The following CALN1 variants were observed in gnomAD, a reference collection of about 807,000 sequenced individuals.
CALN1 encodes calcium-binding protein 8.
Under a neutral mutation model 30.6 loss-of-function variants are expected in CALN1, and 17 were observed. The observed-to-expected ratio is 0.56, with a 90% confidence interval of 0.38 to 0.83. CALN1 has a LOEUF of 0.83. CALN1 is among the 40% of genes least tolerant of loss of function. The probability of loss-of-function intolerance (pLI) is 0.00; values close to 1 mark genes in which losing one functional copy is unlikely to be tolerated. For missense variants in CALN1, 291 were observed against 354.9 expected (o/e 0.82, Z 1.45); for synonymous variants, 156 against 131.4 (o/e 1.19, Z -1.28).
chr7:72,291,977 G>C (rs1248275451), intron 2 of CALN1, among the ~76,000 whole-genome samples: 2 of 151,356 alleles, frequency 1.3e-5, no homozygotes, highest in Non-Finnish European at 2.9e-5. Flanking sequence ...ACTTCAGCCT[G>C]GGTGACAGAA....
intron 2 of CALN1, among the ~76,000 whole-genome samples, chr7:72,380,694 C>G (rs886777312): frequency 2.1e-5 from 3 of 145,592 alleles, no homozygotes; most frequent in Non-Finnish European, 4.6e-5. Flanking sequence ...TGGATGGATA[C>G]ATACATTAGA....
the CALN1 span, among the ~76,000 whole-genome samples, chr7:72,472,651 G>T: frequency 2.6e-5 from 4 of 152,208 alleles, no homozygotes; most frequent in African/African-American, 9.6e-5. Flanking sequence ...GCGTGGTGGC[G>T]GGCGCCTGTA....
At chr7:72,426,892 C>CT (rs1807815217) in intron 1 of CALN1, among the ~76,000 whole-genome samples, 1 of 152,210 alleles carries the variant, frequency 6.6e-6, no homozygotes, top group Non-Finnish European at 1.5e-5. Context: ...GTGGGCCTGT[C>CT]TGAGTGGTGG....
chr7:71,899,534 A>T (rs1446411458), intron 5 of CALN1, among the ~76,000 whole-genome samples: 1 of 152,228 alleles, frequency 6.6e-6, no homozygotes, highest in African/African-American at 2.4e-5. Context: ...AAATTTATAA[A>T]GGAAAAATAA....
At chr7:72,180,597 GCTTT>G (rs1789699058) in intron 3 of CALN1, among the ~76,000 whole-genome samples, 1 of 116,856 alleles carries the variant, frequency 8.6e-6, no homozygotes, top group African/African-American at 3.1e-5. Context: ...TACTGTTTAT[GCTTT>G]TTTTTCTTTT....
At chr7:72,487,901 AGAAAGAAAGAAAGAAAGAAG>A in the CALN1 span, among the ~76,000 whole-genome samples, 11 of 85,252 alleles carry the variant, frequency 1.3e-4, 1 homozygote, top group African/African-American at 4.9e-4. Context: ...AAAGAAAGAA[AGAAAGAAAGAAAGAAAGAAG>A]GAAGGAAGGA....
At chr7:72,053,160 G>A (rs538418483) in intron 4 of CALN1, among the ~76,000 whole-genome samples, 258 of 152,336 alleles carry the variant, frequency 1.7e-3, no homozygotes, top group African/African-American at 5.6e-3. Flanking sequence ...AGCCCAGGAG[G>A]TGGAGTTTGC....
chr7:72,260,410 G>C (rs2129552733), intron 3 of CALN1, among the ~76,000 whole-genome samples: 1 of 152,268 alleles, frequency 6.6e-6, no homozygotes, highest in African/African-American at 2.4e-5. Context: ...ACACAATATT[G>C]TTAAGCTCCA....
At chr7:71,870,849 T>C (rs1046517957) in intron 5 of CALN1, among the ~76,000 whole-genome samples, 2 of 152,178 alleles carry the variant, frequency 1.3e-5, no homozygotes, top group Admixed American at 1.3e-4. Context: ...TGGCCTTGCA[T>C]GGTTGGTGGA....
At chr7:71,836,754 C>T (rs940912313) in intron 5 of CALN1, among the ~76,000 whole-genome samples, 3 of 151,304 alleles carry the variant, frequency 2.0e-5, no homozygotes, top group Non-Finnish European at 2.9e-5. Context: ...ATTAGCTGGG[C>T]TTACAGGCAC....
At chr7:72,106,091 AGGTCTCACTGATGAGACCGGG>A in intron 4 of CALN1, 39 bp downstream of exon 4, 1 of 1,575,026 alleles carries the variant, frequency 6.3e-7, no homozygotes, top group Non-Finnish European at 8.7e-7. Context: ...CATAAACCGA[AGGTCTCACTGATGAGACCGGG>A]GCATGTCTCA....
chr7:71,946,611 G>A lies in CALN1; in HGVS notation c.501+77046C>T, dbSNP rs979538042. 2.7e-5 allele frequency among the ~76,000 whole-genome samples: 4 copies of A among 147,498 alleles called. 1 individual carries two copies. The highest frequency in any genetic ancestry group is 2.0e-4 in the East Asian group (1 of 4,922). Reference sequence around the variant, plus strand: ...TCCTGGGCTCAAGCAATCCTCCTGCGTTTGCCTCTAAAAATGCTCAGATTA... The same window carrying A: ...TCCTGGGCTCAAGCAATCCTCCTGCATTTGCCTCTAAAAATGCTCAGATTA... On this transcript the variant is annotated intron_variant, in intron 5 of 6. Coordinates refer to ENST00000395275, the MANE Select transcript of CALN1 (RefSeq NM_031468.4).
Position 72,403,439 on chromosome 7 carries a change from G to C in CALN1, c.-70C>G. Reference sequence around the variant, plus strand: ...AAAGGAACGTCAGCGAAGGCACTGAGACTCTGAAAGGAGTTGACAGAAACT... The same window carrying C: ...AAAGGAACGTCAGCGAAGGCACTGACACTCTGAAAGGAGTTGACAGAAACT... On this transcript the variant is annotated 5_prime_UTR_variant, in exon 2 of 7. Transcript: ENST00000395275. 1 of 1,259,682 alleles carries C rather than the reference G, an allele frequency of 7.9e-7. No homozygotes were observed. The allele number at this position is 1,259,682 out of a possible 1,614,324, so 78.0% of individuals were successfully genotyped here. A position where few individuals can be genotyped will look rare whatever the true frequency, so the allele number is the denominator to read the frequency against.
intron 3 of CALN1, among the ~76,000 whole-genome samples, chr7:72,179,418 A>G (rs1436138728): frequency 6.6e-6 from 1 of 152,218 alleles, no homozygotes; most frequent in Admixed American, 6.5e-5. Flanking sequence ...AGGTTAAGGC[A>G]AGTGTCACTA....
chr7:72,026,655 ATCC>A (rs1447841029), intron 4 of CALN1, among the ~76,000 whole-genome samples: 1 of 151,852 alleles, frequency 6.6e-6, no homozygotes. Flanking sequence ...GGCTCAAGTG[ATCC>A]TCCTTCCTCA....
At chr7:71,904,912 A>G (rs1794048192) in intron 5 of CALN1, among the ~76,000 whole-genome samples, 1 of 151,664 alleles carries the variant, frequency 6.6e-6, no homozygotes, top group Non-Finnish European at 1.5e-5. Flanking sequence ...TTAGAATTAT[A>G]TTTTGTTGTT....
At chr7:72,209,433 C>T (rs201846839) in intron 3 of CALN1, among the ~76,000 whole-genome samples, 1 of 131,526 alleles carries the variant, frequency 7.6e-6, no homozygotes, top group Admixed American at 7.8e-5. Context: ...TCCTTCCCTC[C>T]TTCCCTCCTT....
In CALN1 at chr7:71,945,683, C is replaced by T. The variant is rs373780220; in HGVS notation, c.501+77974G>A. Among the ~76,000 whole-genome samples, 103 of 152,336 alleles carry T rather than the reference C, an allele frequency of 6.8e-4. 1 individual carries two copies. The highest frequency in any genetic ancestry group is 2.4e-3 in the African/African-American group (99 of 41,578). On this transcript the variant is annotated intron_variant, in intron 5 of 6. Coordinates refer to ENST00000395275, the MANE Select transcript of CALN1 (RefSeq NM_031468.4). ...GAATCTAATGCCTGATGATCTGTCA[C>T]TGTCTCCCATCACCCCCAGAGGAGA...
In CALN1 at chr7:71,787,771, G is replaced by T. The variant is rs757130825; in HGVS notation, c.*4C>A. The T allele has an allele frequency of 6.2e-7, 1 of 1,613,530 alleles. No homozygotes were observed. The highest frequency in any genetic ancestry group is 1.3e-5 in the African/African-American group (1 of 75,034). On this transcript the variant is annotated 3_prime_UTR_variant, in exon 7 of 7. Transcript: ENST00000395275. Reference sequence around the variant, plus strand: ...TGCAACACAGTGTGGCTGGCGGGAGGCTGCTACTCCATGCCGCTCCGGAGT... The same window carrying T: ...TGCAACACAGTGTGGCTGGCGGGAGTCTGCTACTCCATGCCGCTCCGGAGT...
Sources: gnomAD v4.1 joint callset for allele counts (sites outside exome capture counted in the v4.1 genomes callset) on GRCh38, gnomAD v4.1.1 for gene constraint, MANE v1.5 for transcripts, NCBI Gene and HGNC (gene_info 2026-07-23, HGNC 2026-07-21) for gene names.